Variants in RAPGEF5 observed in about 807,000 individuals in gnomAD.
RAPGEF5 encodes M-Ras-regulated GEF.
RAPGEF5 carries 65 observed loss-of-function variants against 125.2 expected under a neutral mutation model. The ratio of observed to expected loss-of-function variants is 0.52; its 90% confidence interval spans 0.43 to 0.64. RAPGEF5 has a LOEUF of 0.64. RAPGEF5 is among the 30% of genes least tolerant of loss of function. The pLI is 0.00. For missense variants in RAPGEF5, 958 were observed against 1,048.1 expected (o/e 0.91, Z 1.19); for synonymous variants, 391 against 385.9 (o/e 1.01, Z -0.16).
intron 7 of RAPGEF5, among the ~76,000 whole-genome samples, chr7:22,233,301 A>G (rs1786104105): frequency 6.6e-6 from 1 of 152,242 alleles, no homozygotes; most frequent in African/African-American, 2.4e-5. Context: ...AACTTCACAT[A>G]AAAAGCAACC....
intron 7 of RAPGEF5, among the ~76,000 whole-genome samples, chr7:22,254,809 C>T (rs1456979652): frequency 6.6e-6 from 1 of 152,040 alleles, no homozygotes; most frequent in Non-Finnish European, 1.5e-5. Flanking sequence ...AGCACGCAAC[C>T]TAGATCCCTT....
intron 11 of RAPGEF5, among the ~76,000 whole-genome samples, chr7:22,177,610 C>T (rs1242752180): frequency 6.6e-6 from 1 of 152,224 alleles, no homozygotes; most frequent in Admixed American, 6.5e-5. Flanking sequence ...AATCACCACC[C>T]AACATTCCAC....
At chr7:22,288,025 C>A (rs182334170) in intron 6 of RAPGEF5, among the ~76,000 whole-genome samples, 29 of 152,304 alleles carry the variant, frequency 1.9e-4, no homozygotes, top group Admixed American at 1.8e-3. Flanking sequence ...AATACCACTC[C>A]AGCATCTTAC....
At chr7:22,188,071 A>G (rs544124609) in intron 11 of RAPGEF5, among the ~76,000 whole-genome samples, 28 of 152,360 alleles carry the variant, frequency 1.8e-4, no homozygotes, top group African/African-American at 6.7e-4. Context: ...ATATAAATAC[A>G]AGATAATGTC....
At chr7:22,254,370 A>G (rs1786699682) in intron 7 of RAPGEF5, among the ~76,000 whole-genome samples, 1 of 151,536 alleles carries the variant, frequency 6.6e-6, no homozygotes, top group African/African-American at 2.4e-5. Context: ...GCGCTTTGGG[A>G]GGACGAGGCG....
chr7:22,315,226 A>T, intron 3 of RAPGEF5, 144 bp downstream of exon 3: 3 of 892,534 alleles, frequency 3.4e-6, no homozygotes, highest in Non-Finnish European at 3.1e-6. Flanking sequence ...ATGAAAAGTC[A>T]CCATCAGTTT....
intron 1 of RAPGEF5, among the ~76,000 whole-genome samples, chr7:22,333,028 A>G (rs1783951710): frequency 6.6e-6 from 1 of 152,204 alleles, no homozygotes; most frequent in Non-Finnish European, 1.5e-5. Flanking sequence ...AAATGCTTTT[A>G]ATCATCTCTT....
chr7:22,143,462 A>T (rs546110797), intron 20 of RAPGEF5, among the ~76,000 whole-genome samples: 39 of 152,236 alleles, frequency 2.6e-4, no homozygotes, highest in African/African-American at 9.1e-4. Flanking sequence ...ATTCAGTTCA[A>T]ACCCTTCAAT....
chr7:22,265,391 CA>C (rs1359138228), intron 7 of RAPGEF5, among the ~76,000 whole-genome samples: 1 of 152,184 alleles, frequency 6.6e-6, no homozygotes, highest in Non-Finnish European at 1.5e-5. Context: ...TTTCACTTAA[CA>C]TAATGTCCTC....
At chr7:22,136,851 A>C (rs1783093940) in intron 22 of RAPGEF5, 82 bp downstream of exon 22, 2 of 1,216,420 alleles carry the variant, frequency 1.6e-6, no homozygotes, top group Non-Finnish European at 2.3e-6. Flanking sequence ...TAGAGTACAA[A>C]TACCACCCAC....
rs886080417 is a variant in RAPGEF5, at chr7:22,291,345, T to C, written c.681-104A>G. 4.2e-6 allele frequency: 6 copies of C among 1,420,530 alleles called. No homozygotes were observed. The Admixed American group carries it at 1.4e-4, about 34-fold the overall frequency. 88.0% of individuals were successfully genotyped at this position (1,420,530 alleles called of 1,614,324 possible). A position where few individuals can be genotyped will look rare whatever the true frequency, so the allele number is the denominator to read the frequency against. ...GCAAATAATGTCATTGTTATTATATTAGCAAAAGTACTCATGAAAATAACA... is the reference window on the plus strand; with the variant it reads ...GCAAATAATGTCATTGTTATTATATCAGCAAAAGTACTCATGAAAATAACA... On this transcript the variant is annotated intron_variant, in intron 5 of 25. Coordinates refer to ENST00000665637, the MANE Select transcript of RAPGEF5 (RefSeq NM_012294.5).
chr7:22,258,624 C>CAAAAAAAAAAAAAA (rs34352575), intron 7 of RAPGEF5, among the ~76,000 whole-genome samples: 3 of 45,824 alleles, frequency 6.5e-5, no homozygotes, highest in Non-Finnish European at 1.2e-4. Context: ...AACTCCGTCT[C>CAAAAAAAAAAAAAA]AAAAAAAAAA....
At chr7:22,197,191 T>C (rs1785166457) in intron 9 of RAPGEF5, among the ~76,000 whole-genome samples, 1 of 151,626 alleles carries the variant, frequency 6.6e-6, no homozygotes, top group Non-Finnish European at 1.5e-5. Context: ...AGGTCAGGAG[T>C]GGGGAAAATG....
intron 8 of RAPGEF5, among the ~76,000 whole-genome samples, chr7:22,221,245 G>T (rs544210704): frequency 6.6e-6 from 1 of 152,236 alleles, no homozygotes; most frequent in East Asian, 1.9e-4. Context: ...AGGGACCTAA[G>T]TTTATCTTAA....
chr7:22,252,183 CAAG>C (rs1301887045), intron 7 of RAPGEF5, among the ~76,000 whole-genome samples: 1 of 152,156 alleles, frequency 6.6e-6, no homozygotes, highest in Non-Finnish European at 1.5e-5. Flanking sequence ...AAAACATGTG[CAAG>C]AAGAAGTAGG....
intron 7 of RAPGEF5, among the ~76,000 whole-genome samples, chr7:22,262,317 A>G (rs533617842): frequency 1.3e-5 from 2 of 152,338 alleles, no homozygotes; most frequent in East Asian, 3.9e-4. Context: ...TGAGAAGATC[A>G]ACATCATTAG....
intron 1 of RAPGEF5, among the ~76,000 whole-genome samples, chr7:22,330,031 T>C (rs1017823543): frequency 6.6e-6 from 1 of 151,980 alleles, no homozygotes; most frequent in African/African-American, 2.4e-5. Context: ...AAACAATATA[T>C]AAAAAAGCTA....
At chr7:22,187,767 G>C (rs1666542532) in intron 11 of RAPGEF5, among the ~76,000 whole-genome samples, 1 of 152,220 alleles carries the variant, frequency 6.6e-6, no homozygotes, top group Admixed American at 6.5e-5. Flanking sequence ...GGGTTGTAAA[G>C]GGGGAACGTT....
At chr7:22,212,081 C>G (rs560871770) in intron 9 of RAPGEF5, among the ~76,000 whole-genome samples, 1 of 150,938 alleles carries the variant, frequency 6.6e-6, no homozygotes, top group East Asian at 2.0e-4. Flanking sequence ...ATTCTCCATT[C>G]TCCTGCCTCA....
Sources: allele counts gnomAD v4.1 joint callset (sites outside exome capture counted in the v4.1 genomes callset), GRCh38; gene constraint gnomAD v4.1.1; transcripts MANE v1.5; gene names NCBI Gene and HGNC (gene_info 2026-07-23, HGNC 2026-07-21).